Variants in ANAPC10 observed in about 807,000 individuals in gnomAD.
The protein encoded by ANAPC10 is anaphase promoting complex subunit 10.
In ANAPC10, 12 loss-of-function variants were observed where a neutral mutation model predicts 22.0. That is an observed-to-expected ratio of 0.55 (90% confidence interval 0.35 to 0.88). The LOEUF is 0.88. Among genes scored for constraint, ANAPC10 ranks in the 40% least tolerant of loss-of-function variants. The pLI is 0.01. For synonymous variants in ANAPC10, 65 were observed against 69.5 expected, an observed-to-expected ratio of 0.94 and a Z score of 0.32; for missense variants, 188 against 220.9, an observed-to-expected ratio of 0.85 and a Z score of 0.94.
chr4:145,029,440 G>A lies in ANAPC10; in HGVS notation c.328-33837C>T, dbSNP rs1737223086. On this transcript the variant is annotated intron_variant, in intron 4 of 4. Coordinates refer to ENST00000507656, the MANE Select transcript of ANAPC10 (RefSeq NM_001256706.2). ...AGGTGAAGTTGAGAGTGTGATCCAT[G>A]AGGAGGTGCACTACAACTGAAAAGA... Among the ~76,000 whole-genome samples, 3 of 152,234 alleles carry A rather than the reference G, an allele frequency of 2.0e-5. No individual in the cohort carries two copies. In the East Asian group the frequency reaches 5.8e-4, roughly 29 times the overall value.
chr4:145,011,373 A>G (rs1195159637), intron 4 of ANAPC10, among the ~76,000 whole-genome samples: 1 of 149,730 alleles, frequency 6.7e-6, no homozygotes, highest in African/African-American at 2.5e-5. Flanking sequence ...AAATAAAATA[A>G]AATAAAATAA....
At chr4:145,033,584 C>G (rs1737962853) in intron 4 of ANAPC10, among the ~76,000 whole-genome samples, 1 of 152,176 alleles carries the variant, frequency 6.6e-6, no homozygotes, top group African/African-American at 2.4e-5. Flanking sequence ...ATTAGGACAT[C>G]TCTTAATATT....
chr4:145,095,725 C>T (rs181961937), intron 2 of ANAPC10, among the ~76,000 whole-genome samples: 1 of 152,226 alleles, frequency 6.6e-6, no homozygotes. Flanking sequence ...TACTTTATTA[C>T]TTCTATTGTT....
intron 4 of ANAPC10, among the ~76,000 whole-genome samples, chr4:145,060,303 T>A (rs1007964156): frequency 1.3e-5 from 2 of 151,996 alleles, no homozygotes; most frequent in African/African-American, 4.8e-5. Flanking sequence ...ATTTAAGTCC[T>A]CAGGTATAGT....
intron 4 of ANAPC10, among the ~76,000 whole-genome samples, chr4:145,059,466 A>G (rs1213922758): frequency 6.6e-6 from 1 of 152,112 alleles, no homozygotes; most frequent in East Asian, 1.9e-4. Context: ...TGAAGACAAA[A>G]ACAGAGCTTA....
intron 4 of ANAPC10, among the ~76,000 whole-genome samples, chr4:145,061,188 A>G (rs1560894205): frequency 6.6e-6 from 1 of 152,134 alleles, no homozygotes; most frequent in Admixed American, 6.5e-5. Context: ...GAGACTACCT[A>G]TAAGAGCTCT....
At chr4:145,037,460 A>T (rs1738756694) in intron 4 of ANAPC10, among the ~76,000 whole-genome samples, 1 of 152,186 alleles carries the variant, frequency 6.6e-6, no homozygotes, top group South Asian at 2.1e-4. Context: ...AAAGAAAGAA[A>T]GGTTAAAACT....
chr4:145,054,632 TGTGTGTGTGCGCGC>T (rs1456185533), intron 4 of ANAPC10, among the ~76,000 whole-genome samples: 6 of 110,040 alleles, frequency 5.5e-5, no homozygotes, highest in East Asian at 5.9e-4. Flanking sequence ...TGTGTGTGTG[TGTGTGTGTGCGCGC>T]GCGCGCGCGT....
chr4:145,009,392 A>C (rs576506314), intron 4 of ANAPC10, among the ~76,000 whole-genome samples: 2 of 152,318 alleles, frequency 1.3e-5, no homozygotes, highest in South Asian at 4.1e-4. Flanking sequence ...CTAAGCAAAA[A>C]GAACAAAGCT....
intron 4 of ANAPC10, among the ~76,000 whole-genome samples, chr4:145,002,769 T>C (rs1351338150): frequency 6.6e-6 from 1 of 152,210 alleles, no homozygotes; most frequent in African/African-American, 2.4e-5. Flanking sequence ...TTAACTATCA[T>C]TAAAAAGTTA....
At chr4:145,026,247 T>G (rs1323794545) in intron 4 of ANAPC10, among the ~76,000 whole-genome samples, 6 of 152,196 alleles carry the variant, frequency 3.9e-5, no homozygotes. Context: ...CAATTTAACA[T>G]TTATTGATTG....
chr4:145,071,436 A>G (rs1744473268), intron 3 of ANAPC10, among the ~76,000 whole-genome samples: 1 of 152,132 alleles, frequency 6.6e-6, no homozygotes, highest in Non-Finnish European at 1.5e-5. Context: ...AAAGGCTATA[A>G]CAGTAAACTT....
intron 1 of ANAPC10, 59 bp from the exon 2 acceptor site, chr4:145,096,170 G>C (rs768821542): frequency 1.9e-6 from 3 of 1,562,876 alleles, no homozygotes; most frequent in Admixed American, 2.0e-5. Context: ...TTCTACAAAA[G>C]TTTTTTACCA....
At chr4:145,010,416 AC>A (rs2126916657) in intron 4 of ANAPC10, among the ~76,000 whole-genome samples, 1 of 152,282 alleles carries the variant, frequency 6.6e-6, no homozygotes, top group South Asian at 2.1e-4. Context: ...AAGACTTGGA[AC>A]CAACCCAAAT....
chr4:145,087,390 T>G (rs994136928), intron 2 of ANAPC10, among the ~76,000 whole-genome samples: 1 of 152,170 alleles, frequency 6.6e-6, no homozygotes, highest in African/African-American at 2.4e-5. Flanking sequence ...AGGGTCTCAT[T>G]CTGTTGCCCT....
intron 4 of ANAPC10, among the ~76,000 whole-genome samples, chr4:145,055,744 C>T (rs1345107144): frequency 6.6e-6 from 1 of 151,878 alleles, no homozygotes; most frequent in Non-Finnish European, 1.5e-5. Context: ...CAGTGCTCAC[C>T]AGGGCCTGGA....
intron 4 of ANAPC10, among the ~76,000 whole-genome samples, chr4:145,028,001 G>T (rs1737005116): frequency 6.6e-6 from 1 of 152,176 alleles, no homozygotes; most frequent in South Asian, 2.1e-4. Flanking sequence ...ACCAAGACAG[G>T]GTTAGAAATA....
At chr4:145,012,633 G>C (rs1428367674) in intron 4 of ANAPC10, among the ~76,000 whole-genome samples, 4 of 152,082 alleles carry the variant, frequency 2.6e-5, no homozygotes. Flanking sequence ...AATCTGAATA[G>C]AATGACATTT....
chr4:145,017,551 A>T (rs1377061837), intron 4 of ANAPC10, among the ~76,000 whole-genome samples: 1 of 152,212 alleles, frequency 6.6e-6, no homozygotes, highest in Non-Finnish European at 1.5e-5. Flanking sequence ...CCATTGTGGA[A>T]GACAGGGTGG....
Sources: gnomAD v4.1 joint callset for allele counts (sites outside exome capture counted in the v4.1 genomes callset) on GRCh38, gnomAD v4.1.1 for gene constraint, MANE v1.5 for transcripts, NCBI Gene and HGNC (gene_info 2026-07-23, HGNC 2026-07-21) for gene names.